Variants in SMARCA2 observed in about 807,000 individuals in gnomAD.
SMARCA2 encodes the protein SWI/SNF-related matrix-associated actin-dependent regulator of chromatin subfamily A member 2.
A neutral mutation model predicts 199.8 loss-of-function variants in SMARCA2; 61 were observed. That is an observed-to-expected ratio of 0.31 (90% CI 0.25 to 0.38). The LOEUF is 0.38. SMARCA2 is among the 10% of genes least tolerant of loss of function. The pLI is 1.00. For synonymous variants in SMARCA2, 935 were observed against 732.0 expected, an observed-to-expected ratio of 1.28 and a Z score of -4.48; for missense variants, 1,344 against 2,012.2, an observed-to-expected ratio of 0.67 and a Z score of 6.35.
At chr9:2,018,726 C>T (rs1055125911) in intron 1 of SMARCA2, among the ~76,000 whole-genome samples, 1 of 152,206 alleles carries the variant, frequency 6.6e-6, no homozygotes, top group Admixed American at 6.5e-5. Context: ...CCACCAAAGA[C>T]TCAGAAACCA....
rs1330315094 is a variant in SMARCA2 at position 2,191,373 on chromosome 9, A to G, written c.4702A>G (p.Ser1568Gly). The G allele has an allele frequency of 6.2e-7, 1 of 1,614,224 alleles. No homozygotes were observed. Among genetic ancestry groups the G allele is most frequent in the East Asian group, 2.2e-5 (1 of 44,884 alleles). The change falls in exon 33 of 34, where the codon AGC (serine) becomes GGC (glycine). Residue 1568 changes from serine (S) to glycine (G), a missense_variant. This residue lies in a region of SMARCA2 where 155 missense variants were observed against 121.1 expected (regional missense o/e 1.28). Transcript: ENST00000349721. ...TCGAGGAAAAGCCAAACCTGTAGTGAGCGATTTTGACAGCGATGAGGAGCA... is the reference window on the plus strand; with the variant it reads ...TCGAGGAAAAGCCAAACCTGTAGTGGGCGATTTTGACAGCGATGAGGAGCA... Reference protein sequence around the residue: ...PNRGKAKPVVSDFDSDEEQDE... With the variant: ...PNRGKAKPVVGDFDSDEEQDE...
intron 7 of SMARCA2, among the ~76,000 whole-genome samples, chr9:2,057,278 G>A (rs917567693): frequency 1.3e-5 from 2 of 152,282 alleles, no homozygotes; most frequent in Middle Eastern, 3.4e-3. Context: ...CTTACGTGGT[G>A]GAAGCAGGCC....
chr9:2,134,074 G>A (rs950278946), intron 27 of SMARCA2, among the ~76,000 whole-genome samples: 2 of 152,116 alleles, frequency 1.3e-5, no homozygotes, highest in Non-Finnish European at 2.9e-5. Context: ...TCAGAAATAC[G>A]TATTAGCTAT....
chr9:2,042,050 AG>A (rs1428160362), intron 4 of SMARCA2: 4 of 152,222 alleles, frequency 2.6e-5, no homozygotes, highest in African/African-American at 7.2e-5. Context: ...GCTCATGACA[AG>A]GAAAAAAACC....
At chr9:2,155,394 T>C (rs1825301601) in intron 27 of SMARCA2, among the ~76,000 whole-genome samples, 1 of 152,172 alleles carries the variant, frequency 6.6e-6, no homozygotes, top group Admixed American at 6.5e-5. Flanking sequence ...GCGATTCTCC[T>C]GCCTCAGCCT....
chr9:2,061,096 A>T, intron 9 of SMARCA2, 110 bp downstream of exon 9: 2 of 1,061,112 alleles, frequency 1.9e-6, no homozygotes, highest in South Asian at 3.3e-5. Flanking sequence ...GAAGGTTTAG[A>T]TGATTGAATT....
At chr9:2,159,966 T>C in intron 27 of SMARCA2, 1 of 1,563,488 alleles carries the variant, frequency 6.4e-7, no homozygotes, top group Non-Finnish European at 8.7e-7. Context: ...ATCCCAGGCA[T>C]GTGTAGGTGT....
At chr9:2,075,349 A>C (rs941312790) in intron 12 of SMARCA2, 4 of 152,272 alleles carry the variant, frequency 2.6e-5, no homozygotes, top group African/African-American at 9.6e-5. Flanking sequence ...CCTGCTTTTC[A>C]AGGAAATTCT....
Position 2,070,422 on chromosome 9 carries a change from C to T in SMARCA2, c.1697C>T (p.Ala566Val). Residue 566 changes from alanine (A) to valine (V), a missense_variant, in exon 10 of 34, where the codon GCT (alanine) becomes GTT (valine). By Grantham distance (64) the Ala-to-Val change is moderately conservative. Coordinates refer to ENST00000349721, the MANE Select transcript of SMARCA2 (RefSeq NM_003070.5). Reference sequence around the variant, plus strand: ...TTCGACATTGTTGTTTTGCAGAAGGCTGAGGAGAATGCAGAGGGTGGGGAG... The same window carrying T: ...TTCGACATTGTTGTTTTGCAGAAGGTTGAGGAGAATGCAGAGGGTGGGGAG... ...KKKRRRRKKK[A>V]EENAEGGESA... 6.2e-6 allele frequency: 10 copies of T among 1,613,698 alleles called. No homozygotes were observed. Among genetic ancestry groups the T allele is most frequent in the South Asian group, 1.1e-5 (1 of 91,054 alleles).
chr9:2,143,128 G>A (rs2130692905), intron 27 of SMARCA2, among the ~76,000 whole-genome samples: 1 of 152,336 alleles, frequency 6.6e-6, no homozygotes, highest in Non-Finnish European at 1.5e-5. Context: ...TGCGTAGGAT[G>A]TTATAAAAGA....
chr9:2,084,802 A>T (rs1821730080), intron 17 of SMARCA2, among the ~76,000 whole-genome samples: 1 of 152,172 alleles, frequency 6.6e-6, no homozygotes, highest in African/African-American at 2.4e-5. Flanking sequence ...TCTGTGACTT[A>T]CATGTCTCCT....
chr9:2,073,735 A>T (rs1330066071), intron 12 of SMARCA2, 112 bp downstream of exon 12: 3 of 789,058 alleles, frequency 3.8e-6, no homozygotes, highest in Non-Finnish European at 6.3e-6. Context: ...TTCCTCCAGG[A>T]TTGGCCTTTG....
chr9:2,084,126 G>A lies in SMARCA2; in HGVS notation c.2456G>A (p.Arg819Gln), dbSNP rs1004796796. 4 of 1,612,812 alleles carry A rather than the reference G, an allele frequency of 2.5e-6. No individual in the cohort carries two copies. The highest frequency in any genetic ancestry group is 1.7e-5 in the Admixed American group (1 of 59,992). ...AMRRSLVPQL[R>Q]SGKFNVLLTT... ...CGTCGCTCCCTTGTCCCCCAGCTAC[G>A]GAGTGGCAAATTCAATGTCCTCTTG... The change falls in exon 17 of 34, where the codon CGG becomes CAG. Residue 819 changes from arginine (R) to glutamine (Q), a missense_variant. This residue lies in a region of SMARCA2 where 50 missense variants were observed against 81.6 expected (regional missense o/e 0.61). Coordinates refer to ENST00000349721, the MANE Select transcript of SMARCA2 (RefSeq NM_003070.5).
chr9:2,156,305 T>C (rs1243703483), intron 27 of SMARCA2, among the ~76,000 whole-genome samples: 2 of 151,724 alleles, frequency 1.3e-5, no homozygotes, highest in East Asian at 3.9e-4. Flanking sequence ...GAACCTGCAG[T>C]TGTTGGGGTT....
chr9:2,054,589 T>A lies in SMARCA2; in HGVS notation c.1047-8T>A. 1.2e-6 allele frequency: 2 copies of A among 1,607,422 alleles called. No homozygotes were observed. The highest frequency in any genetic ancestry group is 1.7e-6 in the Non-Finnish European group (2 of 1,176,590). On this transcript the variant is annotated splice_region_variant and splice_polypyrimidine_tract_variant and intron_variant, in intron 5 of 33. Coordinates refer to ENST00000349721, the MANE Select transcript of SMARCA2 (RefSeq NM_003070.5). ...GCCCCCTTTTCCCCATTTTATTGTT[T>A]CCTTTAGACTTCAGGCCCGCATAGC...
intron 9 of SMARCA2, among the ~76,000 whole-genome samples, chr9:2,067,916 T>C (rs145342070): frequency 7.2e-5 from 11 of 152,356 alleles, no homozygotes; most frequent in African/African-American, 2.2e-4. Context: ...GTTTTGATTA[T>C]ATTAATATAT....
At chr9:2,132,406 A>T in intron 27 of SMARCA2, among the ~76,000 whole-genome samples, 1 of 152,056 alleles carries the variant, frequency 6.6e-6, no homozygotes, top group East Asian at 1.9e-4. Context: ...ATTCTCGTAG[A>T]TGTACTTTTC....
chr9:2,025,423 G>A (rs532689554), intron 1 of SMARCA2, among the ~76,000 whole-genome samples: 1 of 152,070 alleles, frequency 6.6e-6, no homozygotes, highest in South Asian at 2.1e-4. Flanking sequence ...CTGTGACAAC[G>A]GGAAACTCCC....
At chr9:2,151,858 C>T (rs7031820) in intron 27 of SMARCA2, among the ~76,000 whole-genome samples, 2,746 of 151,940 alleles carry the variant, frequency 0.018, 95 homozygotes, top group African/African-American at 0.063. Context: ...AACAGAAAAC[C>T]ACTTATGATT....
Sources: gnomAD v4.1 joint callset for allele counts (sites outside exome capture counted in the v4.1 genomes callset) on GRCh38, gnomAD v4.1.1 for gene constraint, gnomAD v4.1.1 regional missense constraint, MANE v1.5 for transcripts, NCBI Gene and HGNC (gene_info 2026-07-23, HGNC 2026-07-21) for gene names.